Variants in TRIM24 observed in about 807,000 individuals in gnomAD.
TRIM24 encodes the protein tripartite motif containing 24, also known as transcription intermediary factor 1-alpha.
TRIM24 carries 29 observed loss-of-function variants against 123.9 expected under a neutral mutation model. That is an observed-to-expected ratio of 0.23 (90% confidence interval 0.17 to 0.32). The LOEUF (loss-of-function observed/expected upper bound fraction) is 0.32. TRIM24 is among the 10% of genes least tolerant of loss of function. The probability of loss-of-function intolerance (pLI) is 1.00; values close to 1 mark genes in which losing one functional copy is unlikely to be tolerated. For synonymous variants in TRIM24, 456 were observed against 461.1 expected (o/e 0.99, Z 0.14); for missense variants, 932 against 1,295.3 (o/e 0.72, Z 4.31).
intron 7 of TRIM24, among the ~76,000 whole-genome samples, chr7:138,548,806 C>G (rs958201911): frequency 1.3e-5 from 2 of 151,954 alleles, no homozygotes; most frequent in Non-Finnish European, 2.9e-5. Context: ...ATTTTAAAAC[C>G]TTTTGTTAAA....
chr7:138,467,081 T>G (rs937189296), intron 1 of TRIM24, among the ~76,000 whole-genome samples: 3 of 152,254 alleles, frequency 2.0e-5, no homozygotes, highest in Non-Finnish European at 4.4e-5. Context: ...ATCAGCCATC[T>G]GTGTGTGGTC....
At chr7:138,492,549 A>C (rs1795817579) in intron 1 of TRIM24, among the ~76,000 whole-genome samples, 1 of 152,150 alleles carries the variant, frequency 6.6e-6, no homozygotes, top group Non-Finnish European at 1.5e-5. Flanking sequence ...ACATTGAAAC[A>C]ACCAGTAAAC....
chr7:138,552,945 A>G (rs1239945609), intron 8 of TRIM24, among the ~76,000 whole-genome samples: 1 of 152,226 alleles, frequency 6.6e-6, no homozygotes, highest in Non-Finnish European at 1.5e-5. Context: ...AATCCAAACA[A>G]GTGGTCATAT....
chr7:138,507,359 AT>A (rs11301228), intron 2 of TRIM24, among the ~76,000 whole-genome samples: 44,991 of 132,200 alleles, frequency 0.34, 7,193 homozygotes, highest in East Asian at 0.46. Context: ...TTCATCTGTA[AT>A]TTTTTTTTTT....
At chr7:138,527,848 A>G (rs1446599524) in intron 5 of TRIM24, among the ~76,000 whole-genome samples, 1 of 152,190 alleles carries the variant, frequency 6.6e-6, no homozygotes, top group Non-Finnish European at 1.5e-5. Context: ...ACTCATACCC[A>G]GCGGATTAAT....
At chr7:138,528,789 C>T (rs976990557) in intron 5 of TRIM24, among the ~76,000 whole-genome samples, 1 of 111,146 alleles carries the variant, frequency 9.0e-6, no homozygotes, top group East Asian at 3.4e-4. Context: ...CCCCACCCCC[C>T]CCCCCATCCT....
Position 138,519,182 on chromosome 7 carries a change from T to G in TRIM24, c.632-7T>G. ...TTTCTTCTCTTTGTCTCCCATTGTT[T>G]CTGCAGAGGCAGTTGGTGTCACCAG... On this transcript the variant is annotated splice_polypyrimidine_tract_variant and splice_region_variant and intron_variant, in intron 3 of 18. Transcript: ENST00000343526. The G allele has an allele frequency of 6.2e-7, 1 of 1,614,132 alleles. No homozygotes were observed. Among genetic ancestry groups the G allele is most frequent in the Non-Finnish European group, 8.5e-7 (1 of 1,179,982 alleles).
intron 6 of TRIM24, 97 bp from the exon 7 acceptor site, chr7:138,538,560 A>G (rs750988635): frequency 3.9e-4 from 498 of 1,275,502 alleles, no homozygotes; most frequent in Non-Finnish European, 5.0e-4. Flanking sequence ...TTGAGTAATT[A>G]GAGATTGTAG....
At chr7:138,544,932 T>C (rs1435178667) in intron 7 of TRIM24, among the ~76,000 whole-genome samples, 1 of 152,170 alleles carries the variant, frequency 6.6e-6, no homozygotes, top group Non-Finnish European at 1.5e-5. Flanking sequence ...AATCTGAAAT[T>C]CTCCAAAATT....
intron 7 of TRIM24, among the ~76,000 whole-genome samples, chr7:138,545,770 G>A (rs1797089692): frequency 6.6e-6 from 1 of 152,150 alleles, no homozygotes; most frequent in African/African-American, 2.4e-5. Flanking sequence ...AAAATGCTCA[G>A]AGAATAATGG....
chr7:138,547,698 C>T (rs577696983), intron 7 of TRIM24, among the ~76,000 whole-genome samples: 105 of 152,232 alleles, frequency 6.9e-4, no homozygotes, highest in African/African-American at 2.4e-3. Context: ...TTTTTAGAGA[C>T]GGAGCTTCCC....
intron 9 of TRIM24, among the ~76,000 whole-genome samples, chr7:138,555,330 G>T (rs1797293676): frequency 6.6e-6 from 1 of 152,130 alleles, no homozygotes; most frequent in African/African-American, 2.4e-5. Flanking sequence ...CCTCTTTGAG[G>T]ATGCAGTGTT....
Position 138,514,003 on chromosome 7 carries a change from C to G in TRIM24, c.484-1209C>G, listed in dbSNP as rs1796342340. On this transcript the variant is annotated intron_variant, in intron 2 of 18. Transcript: ENST00000343526. ...GAAGGGTGGGATCCACAGTGACAAT[C>G]AGGTGAGATAGGAGGATTGGCAGGT... is the stretch of plus-strand genomic sequence containing the variant. Among the ~76,000 whole-genome samples the G allele has an allele frequency of 2.0e-5, 3 of 152,150 alleles. No individual in the cohort carries two copies. The South Asian group carries it at 6.2e-4, about 32-fold the overall frequency.
chr7:138,478,487 T>C (rs1423865838), intron 1 of TRIM24, among the ~76,000 whole-genome samples: 1 of 152,106 alleles, frequency 6.6e-6, no homozygotes, highest in Non-Finnish European at 1.5e-5. Flanking sequence ...ATTTATTTAT[T>C]TATTTTTGAG....
intron 9 of TRIM24, among the ~76,000 whole-genome samples, chr7:138,563,086 A>G (rs892813704): frequency 3.9e-5 from 6 of 152,182 alleles, no homozygotes; most frequent in Non-Finnish European, 8.8e-5. Context: ...GGATCGGGTT[A>G]CTACCAGCTA....
At chr7:138,564,268 A>G (rs1584740966) in intron 9 of TRIM24, among the ~76,000 whole-genome samples, 1 of 152,160 alleles carries the variant, frequency 6.6e-6, no homozygotes, top group Admixed American at 6.5e-5. Context: ...TAGCCCAAGC[A>G]TGACCAGATT....
chr7:138,542,507 T>G (rs536334574), intron 7 of TRIM24, among the ~76,000 whole-genome samples: 115 of 152,258 alleles, frequency 7.6e-4, no homozygotes, highest in African/African-American at 2.7e-3. Context: ...TATAACAGAT[T>G]ATTGTTAAGA....
intron 7 of TRIM24, among the ~76,000 whole-genome samples, chr7:138,546,791 A>G (rs1332767809): frequency 6.6e-6 from 1 of 152,214 alleles, no homozygotes; most frequent in Non-Finnish European, 1.5e-5. Context: ...AAAGGTAACA[A>G]GTGTTGGAGA....
At chr7:138,512,713 G>A (rs1429489612) in intron 2 of TRIM24, among the ~76,000 whole-genome samples, 2 of 152,068 alleles carry the variant, frequency 1.3e-5, no homozygotes, top group South Asian at 2.1e-4. Context: ...GGCCTGGCCT[G>A]TAAAACCATT....
Sources: allele counts gnomAD v4.1 joint callset (sites outside exome capture counted in the v4.1 genomes callset), GRCh38; gene constraint gnomAD v4.1.1; transcripts MANE v1.5; gene names NCBI Gene and HGNC (gene_info 2026-07-23, HGNC 2026-07-21).